Variants in TRABD2B observed in about 807,000 individuals in gnomAD.
TRABD2B encodes the protein TraB domain containing 2B, also known as metalloprotease TIKI2.
In TRABD2B, 14 loss-of-function variants were observed where a neutral mutation model predicts 40.1. The observed-to-expected ratio is 0.35, with a 90% confidence interval of 0.23 to 0.55. The LOEUF (loss-of-function observed/expected upper bound fraction) is 0.55, where lower values mean the gene tolerates loss of function less well. Among genes scored for constraint, TRABD2B ranks in the 20% least tolerant of loss-of-function variants. The probability of loss-of-function intolerance (pLI) is 0.90; values close to 1 mark genes in which losing one functional copy is unlikely to be tolerated. For synonymous variants in TRABD2B, 263 were observed against 277.0 expected (o/e 0.95, Z 0.50); for missense variants, 541 against 648.6 (o/e 0.83, Z 1.80).
chr1:47,815,555 C>T (rs1403849693), intron 2 of TRABD2B, among the ~76,000 whole-genome samples: 1 of 152,140 alleles, frequency 6.6e-6, no homozygotes, highest in African/African-American at 2.4e-5. Context: ...TGCTGGCCAC[C>T]ACTTGTCCAC....
chr1:47,800,008 A>C (rs1292819539), intron 3 of TRABD2B, among the ~76,000 whole-genome samples: 1 of 150,856 alleles, frequency 6.6e-6, no homozygotes, highest in Non-Finnish European at 1.5e-5. Flanking sequence ...AAACTATTTC[A>C]TTCCTTCCTT....
chr1:47,834,573 A>C (rs373974200), intron 2 of TRABD2B, among the ~76,000 whole-genome samples: 1 of 130,760 alleles, frequency 7.6e-6, no homozygotes, highest in Non-Finnish European at 1.7e-5. Context: ...ACACACACAC[A>C]CACGCGCACA....
chr1:47,828,012 C>A (rs962313209), intron 2 of TRABD2B, among the ~76,000 whole-genome samples: 2 of 152,148 alleles, frequency 1.3e-5, no homozygotes, highest in African/African-American at 4.8e-5. Context: ...CCCTTCAGCC[C>A]GGGCATCTCA....
intron 2 of TRABD2B, among the ~76,000 whole-genome samples, chr1:47,904,355 A>G (rs1385591205): frequency 6.6e-6 from 1 of 152,172 alleles, no homozygotes; most frequent in East Asian, 1.9e-4. Flanking sequence ...GGCAGGAGAA[A>G]TCGAGTTTAG....
chr1:47,890,536 A>T (rs965382952), intron 2 of TRABD2B, among the ~76,000 whole-genome samples: 1 of 152,178 alleles, frequency 6.6e-6, no homozygotes, highest in Non-Finnish European at 1.5e-5. Flanking sequence ...GTGACCAGGC[A>T]GTGAAAGAGC....
intron 4 of TRABD2B, among the ~76,000 whole-genome samples, chr1:47,783,592 C>T (rs938993456): frequency 1.6e-4 from 24 of 152,220 alleles, no homozygotes; most frequent in Admixed American, 1.6e-3. Flanking sequence ...GCCTGCCTAC[C>T]TTGAGAGAAG....
Position 47,767,932 on chromosome 1 carries a change from G to A in TRABD2B, c.1350-1826C>T, listed in dbSNP as rs188039646. Among the ~76,000 whole-genome samples the A allele has an allele frequency of 1.5e-3, 230 of 152,322 alleles. 2 individuals are homozygous for A. Among genetic ancestry groups the A allele is most frequent in the African/African-American group, 5.0e-3 (207 of 41,580 alleles). ...GTCCAGGCCACCGTCCTGGCCAGAC[G>A]CCTCTCACATAGCCCTGGCTCAGCT... On this transcript the variant is annotated intron_variant, in intron 6 of 6. Transcript: ENST00000606738.
intron 4 of TRABD2B, among the ~76,000 whole-genome samples, chr1:47,791,869 C>A (rs1242084844): frequency 6.6e-6 from 1 of 152,190 alleles, no homozygotes; most frequent in African/African-American, 2.4e-5. Context: ...AAAAACAGAG[C>A]CCTTGGATCA....
chr1:47,949,353 A>G (rs1401585027), intron 2 of TRABD2B, among the ~76,000 whole-genome samples: 1 of 136,334 alleles, frequency 7.3e-6, no homozygotes, highest in Non-Finnish European at 1.6e-5. Context: ...GCCCAACTCT[A>G]TTGGCCTCTC....
chr1:47,875,818 TC>T (rs1361505490), intron 2 of TRABD2B, among the ~76,000 whole-genome samples: 1 of 151,620 alleles, frequency 6.6e-6, no homozygotes, highest in Non-Finnish European at 1.5e-5. Flanking sequence ...AGAGTTCTGA[TC>T]CTGGCCCCCA....
intron 4 of TRABD2B, among the ~76,000 whole-genome samples, chr1:47,787,866 G>C (rs543005276): frequency 3.9e-5 from 6 of 152,290 alleles, no homozygotes; most frequent in Non-Finnish European, 7.4e-5. Context: ...GGGAGCATGA[G>C]AGAGGCTGTG....
At chr1:47,835,641 G>A (rs7413759) in intron 2 of TRABD2B, among the ~76,000 whole-genome samples, 39,245 of 152,066 alleles carry the variant, frequency 0.26, 5,378 homozygotes, top group Non-Finnish European at 0.3. Flanking sequence ...GGAAAAGAAC[G>A]TCAATGAAGA....
intron 2 of TRABD2B, among the ~76,000 whole-genome samples, chr1:47,849,096 T>C: frequency 6.6e-6 from 1 of 152,248 alleles, no homozygotes; most frequent in East Asian, 1.9e-4. Flanking sequence ...GTTAAGTGGC[T>C]GATAAGGCTG....
At chr1:47,835,752 T>G (rs2124466746) in intron 2 of TRABD2B, among the ~76,000 whole-genome samples, 1 of 152,342 alleles carries the variant, frequency 6.6e-6, no homozygotes, top group African/African-American at 2.4e-5. Flanking sequence ...ATACCTTCCC[T>G]TCACTAAATG....
chr1:47,778,701 G>C (rs1344539551), intron 4 of TRABD2B, among the ~76,000 whole-genome samples, 157 bp from the exon 5 acceptor site: 1 of 152,226 alleles, frequency 6.6e-6, no homozygotes, highest in Non-Finnish European at 1.5e-5. Context: ...TAGAAGGTAA[G>C]ACATGGTCCT....
intron 2 of TRABD2B, among the ~76,000 whole-genome samples, chr1:47,845,271 T>C (rs1481324912): frequency 1.3e-5 from 2 of 152,180 alleles, no homozygotes; most frequent in African/African-American, 4.8e-5. Context: ...TTTAGGAGCT[T>C]GGTCTCAGGT....
intron 2 of TRABD2B, among the ~76,000 whole-genome samples, chr1:47,815,540 G>A (rs1325773033): frequency 3.3e-5 from 5 of 152,158 alleles, no homozygotes; most frequent in African/African-American, 4.8e-5. Context: ...AGAAACAGGG[G>A]TCCCTGCTGG....
chr1:47,990,496 T>A (rs551674664), intron 2 of TRABD2B, among the ~76,000 whole-genome samples: 4 of 151,908 alleles, frequency 2.6e-5, no homozygotes, highest in Non-Finnish European at 4.4e-5. Context: ...GGATGACGAG[T>A]GGATATGGCT....
intron 2 of TRABD2B, among the ~76,000 whole-genome samples, chr1:47,962,225 AT>A: frequency 7.1e-6 from 1 of 140,886 alleles, no homozygotes; most frequent in East Asian, 2.4e-4. Flanking sequence ...GGGTGGGGGG[AT>A]GGGGGAGGGA....
Sources: allele counts gnomAD v4.1 joint callset (sites outside exome capture counted in the v4.1 genomes callset), GRCh38; gene constraint gnomAD v4.1.1; transcripts MANE v1.5; gene names NCBI Gene and HGNC (gene_info 2026-07-23, HGNC 2026-07-21).